PICALM: variants seen among roughly 807,000 people sequenced by gnomAD.
The protein encoded by PICALM is phosphatidylinositol binding clathrin assembly protein, also known as phosphatidylinositol-binding clathrin assembly protein.
A neutral mutation model predicts 80.5 loss-of-function variants in PICALM; 40 were observed. The observed-to-expected ratio is 0.50, with a 90% CI of 0.39 to 0.65. The LOEUF (loss-of-function observed/expected upper bound fraction) is 0.65, where lower values mean the gene tolerates loss of function less well. Ranked by LOEUF, PICALM falls within the 30% of genes least tolerant of loss-of-function variation. PICALM has a pLI of 0.00. For missense variants in PICALM, 676 were observed against 778.9 expected (o/e 0.87, Z 1.57); for synonymous variants, 288 against 260.3 (o/e 1.11, Z -1.02).
At chr11:85,977,510 A>G (rs1488483767) in intron 17 of PICALM, among the ~76,000 whole-genome samples, 1 of 152,232 alleles carries the variant, frequency 6.6e-6, no homozygotes, top group African/African-American at 2.4e-5. Context: ...AAGACCAATA[A>G]CACTGCTAAA....
intron 1 of PICALM, among the ~76,000 whole-genome samples, chr11:86,057,701 G>A (rs2096291050): frequency 1.3e-5 from 2 of 152,244 alleles, no homozygotes; most frequent in South Asian, 4.2e-4. Context: ...TACTGAACAT[G>A]CGCAGACATT....
At chr11:85,976,141 G>A (rs2094275028) in intron 18 of PICALM, among the ~76,000 whole-genome samples, 1 of 152,060 alleles carries the variant, frequency 6.6e-6, no homozygotes, top group South Asian at 2.1e-4. Context: ...GGAAACTAAG[G>A]GCAATCTAAA....
chr11:86,042,781 C>T (rs2095997727), intron 1 of PICALM, among the ~76,000 whole-genome samples: 2 of 151,868 alleles, frequency 1.3e-5, no homozygotes, highest in South Asian at 4.2e-4. Flanking sequence ...TGCTGTGAAC[C>T]CAAGCAGGGT....
intron 1 of PICALM, among the ~76,000 whole-genome samples, chr11:86,039,025 A>G (rs1014757774): frequency 2.6e-5 from 4 of 151,894 alleles, no homozygotes; most frequent in African/African-American, 9.7e-5. Context: ...GCAGGAGAAT[A>G]ACTTGAATCT....
chr11:85,982,426 T>TTTTATTTTTTTATTTA (rs2094468043), intron 14 of PICALM, among the ~76,000 whole-genome samples: 3 of 104,848 alleles, frequency 2.9e-5, no homozygotes, highest in African/African-American at 1.2e-4. Context: ...TTATAGACTT[T>TTTTATTTTTTTATTTA]TTTTTTTTTT....
chr11:86,044,946 T>C (rs79422668), intron 1 of PICALM, among the ~76,000 whole-genome samples: 7,709 of 152,246 alleles, frequency 0.051, 323 homozygotes, highest in African/African-American at 0.12. Context: ...CACTCCTTGG[T>C]GCCAAAAAGG....
At chr11:86,065,175 G>T (rs946353648) in intron 1 of PICALM, among the ~76,000 whole-genome samples, 1 of 152,140 alleles carries the variant, frequency 6.6e-6, no homozygotes, top group African/African-American at 2.4e-5. Flanking sequence ...GCCAGGCACA[G>T]TGGCTCACAC....
At chr11:86,007,466 A>G in intron 8 of PICALM, 76 bp downstream of exon 8, 1 of 820,562 alleles carries the variant, frequency 1.2e-6, no homozygotes, top group Non-Finnish European at 2.1e-6. Context: ...AATGGGGGCT[A>G]TATGTTACTT....
At position 86,057,916 on chromosome 11, in the gene PICALM, CT is replaced by C. The variant is rs142020411; in HGVS notation, c.130+10734del. 6.3e-3 allele frequency among the ~76,000 whole-genome samples: 952 copies of C among 152,254 alleles called. 10 individuals carry two copies. Among genetic ancestry groups the C allele is most frequent in the African/African-American group, 0.022 (919 of 41,550 alleles). On this transcript the variant is annotated intron_variant, in intron 1 of 19. Coordinates refer to ENST00000393346, the MANE Select transcript of PICALM (RefSeq NM_007166.4). ...TGTGGGAGGTCCTGGAACCAATCCC[CT>C]ATAGATACTGAAGGACAACCGCATA...
intron 9 of PICALM, among the ~76,000 whole-genome samples, chr11:86,002,900 C>G (rs887622255): frequency 6.6e-6 from 1 of 151,912 alleles, no homozygotes; most frequent in Admixed American, 6.6e-5. Flanking sequence ...GTAGTCCCAC[C>G]CTTGGGAGGC....
chr11:85,998,397 C>CTGG lies in PICALM; in HGVS notation c.1155-1469_1155-1468insCCA, dbSNP rs377543884. 4.1e-3 allele frequency among the ~76,000 whole-genome samples: 617 copies of CTGG among 152,150 alleles called. 5 individuals are homozygous for CTGG. The highest frequency in any genetic ancestry group is 0.014 in the African/African-American group (588 of 41,532). ...AAATGCTGGGATTACAGGCATGAGC[C>CTGG]ACCATGCCCGGCCGACTTCTATGTG... On this transcript the variant is annotated intron_variant, in intron 11 of 19. Transcript: ENST00000393346.
chr11:86,058,427 A>G (rs1007435102), intron 1 of PICALM, among the ~76,000 whole-genome samples: 1 of 152,196 alleles, frequency 6.6e-6, no homozygotes, highest in Non-Finnish European at 1.5e-5. Context: ...CTCAACCACT[A>G]CTTGGAAGAA....
At chr11:86,046,789 C>T (rs2096078528) in intron 1 of PICALM, among the ~76,000 whole-genome samples, 1 of 152,116 alleles carries the variant, frequency 6.6e-6, no homozygotes, top group East Asian at 1.9e-4. Flanking sequence ...AGGTACATGC[C>T]AGCACATGCA....
At chr11:86,010,684 G>A (rs1293682643) in intron 7 of PICALM, among the ~76,000 whole-genome samples, 1 of 151,970 alleles carries the variant, frequency 6.6e-6, no homozygotes, top group African/African-American at 2.4e-5. Flanking sequence ...CACTGATACT[G>A]GATATTCTCT....
At position 86,059,034 on chromosome 11, in the gene PICALM, T is replaced by G. The variant is rs565906407; in HGVS notation, c.130+9617A>C. Among the ~76,000 whole-genome samples, 13 of 152,362 alleles carry G rather than the reference T, an allele frequency of 8.5e-5. No homozygotes were observed. The East Asian group carries it at 2.5e-3, about 29-fold the overall frequency. On this transcript the variant is annotated intron_variant, in intron 1 of 19. Coordinates refer to ENST00000393346, the MANE Select transcript of PICALM (RefSeq NM_007166.4). The stretch of plus-strand genomic sequence containing the variant: ...GTATCTAAACAAAACTAAATAAGCC[T>G]CTTAATGCCTCATGAGTTCCATGAA...
In PICALM at chr11:86,068,763, C is replaced by G. The variant is rs1210625951; in HGVS notation, c.18G>C (p.Leu6=). 1 of 1,610,262 alleles carries G rather than the reference C, an allele frequency of 6.2e-7. No homozygotes were observed. Among genetic ancestry groups the G allele is most frequent in the South Asian group, 1.1e-5 (1 of 90,876 alleles). Residue 6 remains leucine (L), a synonymous_variant, in exon 1 of 20, where the codon CTG becomes CTC. Transcript: ENST00000393346. ...GCTGGGCGGCAGTGATTCGGTCCGT[C>G]AGGCTCTGGCCGGACATCTCTGCAG... MSGQS[L]TDRITAAQHS...
chr11:86,005,264 G>C (rs1021577007), intron 8 of PICALM, among the ~76,000 whole-genome samples: 13 of 152,172 alleles, frequency 8.5e-5, no homozygotes, highest in African/African-American at 2.9e-4. Flanking sequence ...AGAAACTGTA[G>C]TTTATCTTTT....
At position 85,957,979 on chromosome 11, in the gene PICALM, A is replaced by G; in HGVS notation, c.*1067T>C. The G allele has an allele frequency of 4.4e-6, 1 of 225,290 alleles. No individual in the cohort carries two copies. Among genetic ancestry groups the G allele is most frequent in the Non-Finnish European group, 8.9e-6 (1 of 112,896 alleles). 14.0% of individuals were successfully genotyped at this position (225,290 alleles called of 1,614,324 possible). On this transcript the variant is annotated 3_prime_UTR_variant, in exon 20 of 20. Transcript: ENST00000393346. ...CCCCTTATTTAAAAGGTATATGATC[A>G]TAACATGGCACGAGCCAAAGAAAAT...
chr11:86,052,602 C>A (rs1195519030), intron 1 of PICALM, among the ~76,000 whole-genome samples: 1 of 152,198 alleles, frequency 6.6e-6, no homozygotes, highest in Non-Finnish European at 1.5e-5. Flanking sequence ...AATACAAAAA[C>A]TTGAAGCAGC....
Sources: gnomAD v4.1 joint callset for allele counts (sites outside exome capture counted in the v4.1 genomes callset) on GRCh38, gnomAD v4.1.1 for gene constraint, MANE v1.5 for transcripts, NCBI Gene and HGNC (gene_info 2026-07-23, HGNC 2026-07-21) for gene names.